Variants in ENOSF1 observed in about 807,000 individuals in gnomAD.
ENOSF1 encodes enolase superfamily member 1.
In ENOSF1, 73 loss-of-function variants were observed where a neutral mutation model predicts 68.2. That is an observed-to-expected ratio of 1.07 (90% CI 0.89 to 1.30). ENOSF1 has a LOEUF of 1.30. ENOSF1 is among the 50% of genes most tolerant of loss of function. The pLI is 0.00. For missense variants in ENOSF1, 589 were observed against 554.5 expected, an observed-to-expected ratio of 1.06 and a Z score of -0.62; for synonymous variants, 223 against 210.4, an observed-to-expected ratio of 1.06 and a Z score of -0.52.
Position 672,803 on chromosome 18 carries a change from A to G in ENOSF1, c.*1502T>C, listed in dbSNP as rs1054308615. On this transcript the variant is annotated 3_prime_UTR_variant, in exon 16 of 16. Coordinates refer to ENST00000647584, the MANE Select transcript of ENOSF1 (RefSeq NM_017512.7). ...GTGTACTTGTTTCACGGACATGAGG[A>G]GCAATTACAACAGGTCGTACAATTA... 4 of 1,510,622 alleles carry G rather than the reference A, an allele frequency of 2.6e-6. No homozygotes were observed. Among genetic ancestry groups the G allele is most frequent in the East Asian group, 2.3e-5 (1 of 43,678 alleles). 93.6% of individuals were successfully genotyped at this position (1,510,622 alleles called of 1,614,324 possible).
At chr18:667,481 T>A (rs370525417), downstream of ENOSF1, among the ~76,000 whole-genome samples, 8 of 22,192 alleles carry the variant, frequency 3.6e-4, 2 homozygotes, top group African/African-American at 2.8e-3. Context: ...ATGGTGATGG[T>A]GATGGTGATG....
downstream of ENOSF1, chr18:667,577 T>TGATGGTGATGGTGATGGTGATGGA (rs2074880732): frequency 1.4e-5 from 1 of 73,622 alleles, no homozygotes; most frequent in African/African-American, 1.1e-4. Flanking sequence ...ATGGAGATGG[T>TGATGGTGATGGTGATGGTGATGGA]GATGGTGATG....
intron 1 of ENOSF1, among the ~76,000 whole-genome samples, chr18:712,027 G>A (rs2079609534): frequency 6.6e-6 from 1 of 152,202 alleles, no homozygotes; most frequent in Non-Finnish European, 1.5e-5. Flanking sequence ...TACAGAGGAA[G>A]CCAGCGAGCG....
At chr18:709,536 C>G (rs1221147140) in intron 1 of ENOSF1, among the ~76,000 whole-genome samples, 1 of 152,088 alleles carries the variant, frequency 6.6e-6, no homozygotes, top group Non-Finnish European at 1.5e-5. Context: ...TTTGGGAGGC[C>G]GAGGCAGGTG....
At position 693,864 on chromosome 18, in the gene ENOSF1, A is replaced by G. The variant is rs765591743; in HGVS notation, c.423+18T>C. On this transcript the variant is annotated intron_variant, in intron 5 of 15. Transcript: ENST00000647584. Reference sequence around the variant, plus strand: ...TTTCATTTACAGAAACAATTGTAACATTAACAATGCTACTCACCATGTCCA... The same window carrying G: ...TTTCATTTACAGAAACAATTGTAACGTTAACAATGCTACTCACCATGTCCA... 5 of 1,613,506 alleles carry G rather than the reference A, an allele frequency of 3.1e-6. No individual in the cohort carries two copies. In the East Asian group the frequency reaches 1.1e-4, roughly 36 times the overall value.
At chr18:685,860 C>A (rs1183354178) in intron 10 of ENOSF1, 61 bp downstream of exon 10, 3 of 1,249,348 alleles carry the variant, frequency 2.4e-6, no homozygotes, top group East Asian at 4.7e-5. Context: ...AATCTTGAAA[C>A]GAGTTGTATT....
At chr18:666,914 GTGATGGAGATGGT>G (rs1567989407), downstream of ENOSF1, among the ~76,000 whole-genome samples, 6 of 64,910 alleles carry the variant, frequency 9.2e-5, 2 homozygotes, top group South Asian at 3.4e-3. Flanking sequence ...GATGGTGATG[GTGATGGAGATGGT>G]GATGGTGATG....
intron 2 of ENOSF1, 80 bp from the exon 3 acceptor site, chr18:697,435 C>T (rs2077857488): frequency 6.4e-6 from 7 of 1,089,064 alleles, no homozygotes; most frequent in South Asian, 1.3e-5. Flanking sequence ...CACAAACAAA[C>T]AAATGTGAAA....
At chr18:690,023 GGTACTGGGAGTGT>G (rs1288165841) in intron 8 of ENOSF1, among the ~76,000 whole-genome samples, 1 of 152,142 alleles carries the variant, frequency 6.6e-6, no homozygotes, top group African/African-American at 2.4e-5. Flanking sequence ...AACACGTGGA[GGTACTGGGAGTGT>G]GGCTCACCTG....
chr18:677,542 TAAATC>T (rs2075637269), intron 13 of ENOSF1, 98 bp from the exon 14 acceptor site: 1 of 1,235,096 alleles, frequency 8.1e-7, no homozygotes, highest in Non-Finnish European at 1.1e-6. Context: ...CACAGGTGAT[TAAATC>T]ATTTATTAAT....
intron 11 of ENOSF1, among the ~76,000 whole-genome samples, chr18:682,524 G>A (rs1215786123): frequency 6.6e-6 from 1 of 151,904 alleles, no homozygotes; most frequent in Admixed American, 6.6e-5. Flanking sequence ...ATTGTTATGG[G>A]GCACATGACT....
chr18:687,672 T>C (rs1001732222), intron 9 of ENOSF1: 4 of 152,330 alleles, frequency 2.6e-5, no homozygotes, highest in Non-Finnish European at 5.9e-5. Context: ...CCATCGAGGT[T>C]CATCCAGAGA....
At chr18:665,126 C>T in the ENOSF1 span, among the ~76,000 whole-genome samples, 29 of 149,992 alleles carry the variant, frequency 1.9e-4, no homozygotes, top group Non-Finnish European at 3.8e-4. Context: ...TGGTAGAATT[C>T]GGCTGTGAAT....
At chr18:700,246 G>A (rs797006488) in intron 2 of ENOSF1, among the ~76,000 whole-genome samples, 47 of 152,266 alleles carry the variant, frequency 3.1e-4, no homozygotes, top group African/African-American at 1.1e-3. Context: ...AATCATTCTG[G>A]TTCAGACATT....
In ENOSF1 at chr18:673,502, C is replaced by T. The variant is rs941569631; in HGVS notation, c.*803G>A. 4 of 201,938 alleles carry T rather than the reference C, an allele frequency of 2.0e-5. No individual in the cohort carries two copies. The highest frequency in any genetic ancestry group is 4.6e-5 in the African/African-American group (2 of 43,514). The allele number at this position is 201,938 out of a possible 1,614,324, so 12.5% of individuals were successfully genotyped here. A position where few individuals can be genotyped will look rare whatever the true frequency, so the allele number is the denominator to read the frequency against. ...TAAAGAAGTGTTCTGCATTCGTCCA[C>T]GCTTTGTTCATTCTGTACTGCCACT... On this transcript the variant is annotated 3_prime_UTR_variant, in exon 16 of 16. Transcript: ENST00000647584.
At chr18:669,098 C>G, downstream of ENOSF1, 1 of 1,614,198 alleles carries the variant, frequency 6.2e-7, no homozygotes, top group Non-Finnish European at 8.5e-7. Context: ...AGTTGACCAA[C>G]TGCAAAGAGT....
downstream of ENOSF1, among the ~76,000 whole-genome samples, chr18:666,978 TGGA>T (rs1567989693): frequency 0.014 from 161 of 11,472 alleles, 5 homozygotes; most frequent in Non-Finnish European, 0.02. Flanking sequence ...GTGATGGAGA[TGGA>T]GATGGTGATG....
Position 679,790 on chromosome 18 carries a change from C to A in ENOSF1, c.877-1053G>T, listed in dbSNP as rs1020144923. On this transcript the variant is annotated intron_variant, in intron 11 of 15. Transcript: ENST00000647584. ...CGCTCCCATCCATCCTCTACTGTGA[C>A]TGCGACTCCACAGCTACTCCGCACA... Among the ~76,000 whole-genome samples, 19 of 152,160 alleles carry A rather than the reference C, an allele frequency of 1.2e-4. No homozygotes were observed. The South Asian group carries it at 2.1e-3, about 17-fold the overall frequency.
rs928031897 is a variant in ENOSF1 at position 673,878 on chromosome 18, A to T, written c.*427T>A. ...AACCACTTCGGGGTTAATCAGTGAA[A>T]TATTTTTCCCTTCGTTGCATACCAG... On this transcript the variant is annotated 3_prime_UTR_variant, in exon 16 of 16. Coordinates refer to ENST00000647584, the MANE Select transcript of ENOSF1 (RefSeq NM_017512.7). 1 of 153,806 alleles carries T rather than the reference A, an allele frequency of 6.5e-6. No individual in the cohort carries two copies. The highest frequency in any genetic ancestry group is 6.5e-5 in the Admixed American group (1 of 15,280). 9.5% of individuals were successfully genotyped at this position (153,806 alleles called of 1,614,324 possible). A position where few individuals can be genotyped will look rare whatever the true frequency, so the allele number is the denominator to read the frequency against.
Sources: allele counts gnomAD v4.1 joint callset (sites outside exome capture counted in the v4.1 genomes callset), GRCh38; gene constraint gnomAD v4.1.1; transcripts MANE v1.5; gene names NCBI Gene and HGNC (gene_info 2026-07-23, HGNC 2026-07-21).